FRMD4B: variants seen among roughly 807,000 people sequenced by gnomAD.
FRMD4B encodes FERM domain-containing protein 4B.
In FRMD4B, 74 loss-of-function variants were observed where a neutral mutation model predicts 141.5. That is an observed-to-expected ratio of 0.52 (90% CI 0.43 to 0.63). FRMD4B has a LOEUF of 0.63. Ranked by LOEUF, FRMD4B falls within the 30% of genes least tolerant of loss-of-function variation. The pLI, the probability that FRMD4B is intolerant of heterozygous loss-of-function variation, is 0.00. For synonymous variants in FRMD4B, 506 were observed against 467.9 expected, an observed-to-expected ratio of 1.08 and a Z score of -1.05; for missense variants, 1,366 against 1,253.4, an observed-to-expected ratio of 1.09 and a Z score of -1.36.
chr3:69,221,875 T>G lies in FRMD4B; in HGVS notation c.714A>C (p.Arg238=), dbSNP rs764073006. ...ATACTTACTGAACCACAGCTTGACCTCGAGTGAGACCTTTGATTTTCAAAT... is the reference window on the plus strand; with the variant it reads ...ATACTTACTGAACCACAGCTTGACCGCGAGTGAGACCTTTGATTTTCAAAT... ...EHYLKIKGLT[R]GQAVVQYMKI... Residue 238 remains arginine (R), a synonymous_variant, in exon 9 of 23, where the codon CGA becomes CGC. Transcript: ENST00000398540. The G allele has an allele frequency of 6.4e-7, 1 of 1,561,598 alleles. No homozygotes were observed. Among genetic ancestry groups the G allele is most frequent in the East Asian group, 2.3e-5 (1 of 44,428 alleles).
At chr3:69,257,546 T>C (rs1213495294) in intron 5 of FRMD4B, among the ~76,000 whole-genome samples, 1 of 152,240 alleles carries the variant, frequency 6.6e-6, no homozygotes, top group African/African-American at 2.4e-5. Context: ...ATACTAACCA[T>C]GCTAAATATT....
intron 1 of FRMD4B, among the ~76,000 whole-genome samples, chr3:69,332,548 A>T (rs1702402806): frequency 6.6e-6 from 1 of 152,052 alleles, no homozygotes; most frequent in South Asian, 2.1e-4. Context: ...AAATGAGACA[A>T]GACTCCTGAT....
intron 1 of FRMD4B, among the ~76,000 whole-genome samples, chr3:69,540,660 T>TATACACACAC (rs1241897477): frequency 2.3e-4 from 13 of 56,866 alleles, no homozygotes; most frequent in African/African-American, 1.3e-3. Context: ...TATATATATA[T>TATACACACAC]ACACACACAC....
intron 1 of FRMD4B, among the ~76,000 whole-genome samples, chr3:69,522,990 A>G (rs1700875194): frequency 6.6e-6 from 1 of 152,198 alleles, no homozygotes; most frequent in Non-Finnish European, 1.5e-5. Flanking sequence ...GGCCTTTTCT[A>G]AAGATTCCTC....
intron 5 of FRMD4B, among the ~76,000 whole-genome samples, chr3:69,257,895 C>T (rs2093502769): frequency 6.6e-6 from 1 of 152,172 alleles, no homozygotes; most frequent in Non-Finnish European, 1.5e-5. Flanking sequence ...GGTGCGATCT[C>T]AGCTCACTGC....
intron 1 of FRMD4B, among the ~76,000 whole-genome samples, chr3:69,485,392 TG>T (rs899559029): frequency 3.9e-5 from 6 of 152,070 alleles, no homozygotes; most frequent in South Asian, 4.1e-4. Flanking sequence ...TGCACCAGGG[TG>T]GGGGGCTCCT....
chr3:69,213,549 A>C (rs529894572), intron 11 of FRMD4B, among the ~76,000 whole-genome samples: 2 of 152,240 alleles, frequency 1.3e-5, no homozygotes, highest in Admixed American at 1.3e-4. Context: ...GTATTCCTTA[A>C]ATTGATCTTG....
chr3:69,187,845 T>C lies in FRMD4B; in HGVS notation c.1844A>G (p.Lys615Arg), dbSNP rs1301549401. 5 of 1,611,280 alleles carry C rather than the reference T, an allele frequency of 3.1e-6. No individual in the cohort carries two copies. Among genetic ancestry groups the C allele is most frequent in the Admixed American group, 1.7e-5 (1 of 59,834 alleles). ...VPHSPRILPPKSLGIERIHFR... is the reference protein window; with the variant it reads ...VPHSPRILPPRSLGIERIHFR... Reference sequence around the variant, plus strand: ...ATGGATTCGCTCAATACCAAGAGACTTGGGGGGAAGAATTCTTGGAGAATG... The same window carrying C: ...ATGGATTCGCTCAATACCAAGAGACCTGGGGGGAAGAATTCTTGGAGAATG... Residue 615 changes from lysine to arginine, a missense_variant, in exon 19 of 23, where the codon AAG becomes AGG. By Grantham distance (26) the Lys-to-Arg change is conservative. Coordinates refer to ENST00000398540, the MANE Select transcript of FRMD4B (RefSeq NM_015123.3).
At chr3:69,530,790 T>C (rs1700999361) in intron 1 of FRMD4B, among the ~76,000 whole-genome samples, 2 of 152,194 alleles carry the variant, frequency 1.3e-5, no homozygotes, top group Admixed American at 1.3e-4. Context: ...AATTCACAGG[T>C]TAGACTTCTA....
chr3:69,355,665 G>C lies in FRMD4B; in HGVS notation c.162+30163C>G, dbSNP rs555618534. Reference sequence around the variant, plus strand: ...AGATGAAGGTTGACAGACCAAATTAGGGGGGAGGCTGGGTAAGCTCAGGTT... The same window carrying C: ...AGATGAAGGTTGACAGACCAAATTACGGGGGAGGCTGGGTAAGCTCAGGTT... On this transcript the variant is annotated intron_variant, in intron 1 of 22. Transcript: ENST00000398540. Among the ~76,000 whole-genome samples the C allele has an allele frequency of 1.6e-4, 25 of 152,238 alleles. No homozygotes were observed. The East Asian group carries it at 4.8e-3, about 29-fold the overall frequency.
chr3:69,288,760 G>A (rs1040762717), intron 4 of FRMD4B, among the ~76,000 whole-genome samples: 4 of 152,178 alleles, frequency 2.6e-5, no homozygotes, highest in South Asian at 2.1e-4. Context: ...CTTTGAGTCC[G>A]AAAGGGAATT....
chr3:69,339,157 T>C (rs1441719479), intron 1 of FRMD4B, among the ~76,000 whole-genome samples: 1 of 152,194 alleles, frequency 6.6e-6, no homozygotes. Context: ...CTCAGTTTCC[T>C]TTCATTTCCT....
At chr3:69,458,026 T>G (rs1187872387) in intron 1 of FRMD4B, among the ~76,000 whole-genome samples, 2 of 152,204 alleles carry the variant, frequency 1.3e-5, no homozygotes, top group African/African-American at 4.8e-5. Context: ...TCTTGTTCAC[T>G]CTCTCCACTT....
chr3:69,534,156 G>A (rs1427510950), intron 1 of FRMD4B, among the ~76,000 whole-genome samples: 2 of 152,168 alleles, frequency 1.3e-5, no homozygotes, highest in Non-Finnish European at 2.9e-5. Context: ...GTATTTCCCA[G>A]ACTTCAGTCA....
intron 1 of FRMD4B, among the ~76,000 whole-genome samples, chr3:69,347,423 T>C (rs1388801858): frequency 6.6e-6 from 1 of 152,120 alleles, no homozygotes; most frequent in Non-Finnish European, 1.5e-5. Context: ...GACAGATCAA[T>C]GAGACAGAAA....
At chr3:69,324,871 G>C (rs1033114035) in intron 1 of FRMD4B, among the ~76,000 whole-genome samples, 6 of 150,528 alleles carry the variant, frequency 4.0e-5, no homozygotes, top group South Asian at 4.2e-4. Flanking sequence ...GGCGGGGGGG[G>C]ATTGCTTGAG....
intron 5 of FRMD4B, among the ~76,000 whole-genome samples, chr3:69,274,236 T>C (rs1182851749): frequency 6.6e-6 from 1 of 152,114 alleles, no homozygotes; most frequent in Non-Finnish European, 1.5e-5. Flanking sequence ...ATGGAGTCTG[T>C]CAGACACTCT....
upstream of FRMD4B, among the ~76,000 whole-genome samples, chr3:69,390,319 C>T (rs1433662879): frequency 6.6e-6 from 1 of 152,138 alleles, no homozygotes; most frequent in Non-Finnish European, 1.5e-5. Flanking sequence ...ACTGACAGAT[C>T]ATGGACGTCC....
At chr3:69,482,922 CCT>C (rs139963531) in intron 1 of FRMD4B, among the ~76,000 whole-genome samples, 17,727 of 152,208 alleles carry the variant, frequency 0.12, 1,109 homozygotes, top group South Asian at 0.19. Context: ...AATTCTACCC[CCT>C]GTTGTACAGA....
Sources: allele counts gnomAD v4.1 joint callset (sites outside exome capture counted in the v4.1 genomes callset), GRCh38; gene constraint gnomAD v4.1.1; transcripts MANE v1.5; gene names NCBI Gene and HGNC (gene_info 2026-07-23, HGNC 2026-07-21).